The following FMO1 variants were observed in gnomAD, a reference collection of about 807,000 sequenced individuals.
FMO1 encodes the protein flavin-containing monooxygenase 1.
In FMO1, 36 loss-of-function variants were observed where a neutral mutation model predicts 45.4. The observed-to-expected ratio is 0.79, with a 90% CI of 0.61 to 1.05. The LOEUF is 1.05. FMO1 is among the 50% of genes least tolerant of loss of function. FMO1 has a pLI of 0.00. For missense variants in FMO1, 615 were observed against 640.3 expected (o/e 0.96, Z 0.43); for synonymous variants, 228 against 227.2 (o/e 1.00, Z -0.03).
At chr1:171,265,761 T>C (rs1311289492) in intron 2 of FMO1, among the ~76,000 whole-genome samples, 1 of 152,248 alleles carries the variant, frequency 6.6e-6, no homozygotes, top group Non-Finnish European at 1.5e-5. Flanking sequence ...TTAATCTTGC[T>C]TCCTGGTTGT....
chr1:171,271,083 A>T, intron 3 of FMO1: 1 of 930,842 alleles, frequency 1.1e-6, no homozygotes, highest in Middle Eastern at 3.2e-4. Context: ...TTTTTGCTGC[A>T]TCAGGCTTCC....
chr1:171,258,541 G>A (rs191773439), intron 2 of FMO1, among the ~76,000 whole-genome samples: 36 of 152,284 alleles, frequency 2.4e-4, no homozygotes, highest in East Asian at 5.8e-4. Flanking sequence ...GGACCAGGGC[G>A]TCTGAAGCAG....
rs1395072869 is a variant in FMO1, at chr1:171,258,196, C to T, written c.109C>T (p.Leu37Phe). Residue 37 changes from leucine (L) to phenylalanine (F), a missense_variant, in exon 2 of 9, where the codon CTT (leucine) becomes TTT (phenylalanine). Transcript: ENST00000617670. ...EPTCFERSDD[L>F]GGLWRFTEHV... ...CACCTGCTTTGAGAGGAGCGATGAC[C>T]TTGGGGGGCTGTGGAGATTCACCGT... The T allele has an allele frequency of 4.3e-6, 7 of 1,614,102 alleles. No homozygotes were observed. Among genetic ancestry groups the T allele is most frequent in the Non-Finnish European group, 5.1e-6 (6 of 1,180,012 alleles).
chr1:171,284,209 A>G (rs1209446572), intron 8 of FMO1, among the ~76,000 whole-genome samples: 1 of 151,878 alleles, frequency 6.6e-6, no homozygotes, highest in Middle Eastern at 3.4e-3. Flanking sequence ...AAGTTTTAAA[A>G]TCATTGCATC....
chr1:171,252,462 T>A (rs771862351), intron 1 of FMO1, among the ~76,000 whole-genome samples: 2 of 152,104 alleles, frequency 1.3e-5, no homozygotes, highest in Non-Finnish European at 2.9e-5. Flanking sequence ...ACTGCCCTCG[T>A]CTCTTTCCCT....
rs1661221409 is a variant in FMO1 at position 171,278,769 on chromosome 1, A to G, written c.525A>G (p.Gln175=). ...AAGGCCAGTACTTTCATAGCCGGCA[A>G]TATAAGCATCCAGATATATTTAAGG... ...AFKGQYFHSR[Q]YKHPDIFKDK... Residue 175 remains glutamine, a synonymous_variant, in exon 5 of 9, where the codon CAA becomes CAG. Transcript: ENST00000617670. 1 of 1,611,878 alleles carries G rather than the reference A, an allele frequency of 6.2e-7. No individual in the cohort carries two copies. Among genetic ancestry groups the G allele is most frequent in the Non-Finnish European group, 8.5e-7 (1 of 1,178,330 alleles).
At chr1:171,279,107 TCATTTTCCCAGC>T (rs1661248934) in intron 5 of FMO1, among the ~76,000 whole-genome samples, 1 of 145,582 alleles carries the variant, frequency 6.9e-6, no homozygotes, top group African/African-American at 2.6e-5. Context: ...TTTTTTTTTG[TCATTTTCCCAGC>T]CATCCAACAA....
chr1:171,271,683 G>T (rs1660875007), intron 3 of FMO1: 1 of 636,034 alleles, frequency 1.6e-6, no homozygotes, highest in Admixed American at 2.5e-5. Context: ...TCAATGTACT[G>T]CCTCTTCTTA....
chr1:171,255,653 A>T (rs1274810586), intron 1 of FMO1, among the ~76,000 whole-genome samples: 1 of 152,126 alleles, frequency 6.6e-6, no homozygotes, highest in Non-Finnish European at 1.5e-5. Context: ...AAACACTACT[A>T]GCCTTTCTCC....
chr1:171,252,354 G>T (rs1392569225), intron 1 of FMO1, among the ~76,000 whole-genome samples: 2 of 152,136 alleles, frequency 1.3e-5, no homozygotes, highest in Non-Finnish European at 2.9e-5. Context: ...CAGGGTGGGG[G>T]TTCAGACTGT....
At chr1:171,257,216 G>A (rs1263948248) in intron 1 of FMO1, among the ~76,000 whole-genome samples, 1 of 151,914 alleles carries the variant, frequency 6.6e-6, no homozygotes, top group East Asian at 1.9e-4. Context: ...ATAGAGCCGC[G>A]CTTTATCTCA....
rs1271593164 is a variant in FMO1, at chr1:171,280,909, A to T, written c.751A>T (p.Ile251Phe). 6.2e-7 allele frequency: 1 copy of T among 1,613,948 alleles called. No individual in the cohort carries two copies. Among genetic ancestry groups the T allele is most frequent in the Admixed American group, 1.7e-5 (1 of 59,992 alleles). Reference protein sequence around the residue: ...NMLRNSLPTPIVTWLMERKIN... With the variant: ...NMLRNSLPTPFVTWLMERKIN... ...GTTGAGAAATTCCCTCCCAACCCCA[A>T]TTGTGACTTGGTTGATGGAGCGAAA... Residue 251 changes from isoleucine to phenylalanine, a missense_variant, in exon 6 of 9, where the codon ATT becomes TTT. Transcript: ENST00000617670.
At chr1:171,264,322 G>A (rs1356607468) in intron 2 of FMO1, among the ~76,000 whole-genome samples, 1 of 147,994 alleles carries the variant, frequency 6.8e-6, no homozygotes, top group East Asian at 2.0e-4. Flanking sequence ...ATTTGTGTGT[G>A]TGTATATATA....
At chr1:171,272,828 G>A (rs1660923225) in intron 3 of FMO1, among the ~76,000 whole-genome samples, 1 of 152,184 alleles carries the variant, frequency 6.6e-6, no homozygotes. Context: ...TAGGTGGAAG[G>A]GACTTGCCAT....
chr1:171,282,422 T>C (rs920107426), intron 7 of FMO1, 89 bp downstream of exon 7: 5 of 808,026 alleles, frequency 6.2e-6, no homozygotes, highest in Non-Finnish European at 7.9e-6. Context: ...TCCTCCTGCT[T>C]CTATTTAAAA....
chr1:171,271,016 C>T lies in FMO1; in HGVS notation c.321+3285C>T, dbSNP rs935819864. 11 of 987,026 alleles carry T rather than the reference C, an allele frequency of 1.1e-5. No individual in the cohort carries two copies. In the African/African-American group the frequency reaches 1.6e-4, roughly 14 times the overall value. 61.1% of individuals were successfully genotyped at this position (987,026 alleles called of 1,614,324 possible). A position where few individuals can be genotyped will look rare whatever the true frequency, so the allele number is the denominator to read the frequency against. On this transcript the variant is annotated intron_variant, in intron 3 of 8. Transcript: ENST00000617670. ...TCCTCATCATAATCTTCTTCATCTT[C>T]CTCATCTTCCTCCTCTTCCTTCTTT...
chr1:171,258,625 T>G (rs1558005441), intron 2 of FMO1, among the ~76,000 whole-genome samples: 1 of 152,226 alleles, frequency 6.6e-6, no homozygotes, highest in South Asian at 2.1e-4. Context: ...TGCTTTTACC[T>G]GCTTCTTTTC....
At chr1:171,272,182 T>C (rs1449985155) in intron 3 of FMO1, among the ~76,000 whole-genome samples, 1 of 152,220 alleles carries the variant, frequency 6.6e-6, no homozygotes, top group Admixed American at 6.5e-5. Context: ...CTTTAGAGGG[T>C]GCAAACCCCA....
chr1:171,251,500 G>A (rs753480153), intron 1 of FMO1: 3 of 151,638 alleles, frequency 2.0e-5, no homozygotes, highest in Non-Finnish European at 4.4e-5. Context: ...TCACTGACTT[G>A]ACCGCGCGGG....
Sources: allele counts gnomAD v4.1 joint callset (sites outside exome capture counted in the v4.1 genomes callset), GRCh38; gene constraint gnomAD v4.1.1; transcripts MANE v1.5; gene names NCBI Gene and HGNC (gene_info 2026-07-23, HGNC 2026-07-21).